The following NTRK1 variants were observed in gnomAD, a reference collection of about 807,000 sequenced individuals.
The protein encoded by NTRK1 is neurotrophic receptor tyrosine kinase 1, also known as high affinity nerve growth factor receptor.
NTRK1 carries 62 observed loss-of-function variants against 86.8 expected under a neutral mutation model. That is an observed-to-expected ratio of 0.71 (90% CI 0.58 to 0.88). The LOEUF (loss-of-function observed/expected upper bound fraction) is 0.88, where lower values mean the gene tolerates loss of function less well. Ranked by LOEUF, NTRK1 falls within the 40% of genes least tolerant of loss-of-function variation. The pLI, the probability that NTRK1 is intolerant of heterozygous loss-of-function variation, is 0.00. For synonymous variants in NTRK1, 469 were observed against 456.6 expected (o/e 1.03, Z -0.35); for missense variants, 967 against 1,078.4 (o/e 0.90, Z 1.45).
chr1:156,858,510 G>A (rs773834099), upstream of NTRK1: 4 of 1,590,030 alleles, frequency 2.5e-6, no homozygotes, highest in East Asian at 8.9e-5. Flanking sequence ...GGAGGTAGGG[G>A]TCTGGGAGCC....
intron 16 of NTRK1, 129 bp from the exon 17 acceptor site, chr1:156,881,328 T>C: frequency 2.4e-6 from 2 of 817,360 alleles, no homozygotes; most frequent in Non-Finnish European, 3.8e-6. Context: ...ATTCGGGTTA[T>C]TAGCAGCTAA....
At chr1:156,818,060 T>C (rs1264542317) in intron 1 of NTRK1, among the ~76,000 whole-genome samples, 1 of 152,158 alleles carries the variant, frequency 6.6e-6, no homozygotes, top group Non-Finnish European at 1.5e-5. Flanking sequence ...ATTATCCCCA[T>C]TTACCAGAAG....
In NTRK1 at chr1:156,879,192, C is replaced by CA. The variant is rs774533432; in HGVS notation, c.1877dup (p.Leu627AlafsTer6). On this transcript the variant is annotated frameshift_variant, in exon 15 of 17. Coordinates refer to ENST00000524377, the MANE Select transcript of NTRK1 (RefSeq NM_002529.4). LOFTEE classifies it high-confidence loss of function. ...GGCTCCAGGCCCCCTGGGTCTGGGGCAGCTGCTGGCCGTGGCTAGCCAGGT... is the reference window on the plus strand; with the variant it reads ...GGCTCCAGGCCCCCTGGGTCTGGGGCAAGCTGCTGGCCGTGGCTAGCCAGGT... 1 of 1,613,184 alleles carries CA rather than the reference C, an allele frequency of 6.2e-7. No homozygotes were observed. The highest frequency in any genetic ancestry group is 8.5e-7 in the Non-Finnish European group (1 of 1,179,250).
At chr1:156,870,546 G>A (rs1297436239) in intron 6 of NTRK1, among the ~76,000 whole-genome samples, 2 of 152,208 alleles carry the variant, frequency 1.3e-5, no homozygotes, top group Admixed American at 1.3e-4. Flanking sequence ...GCAGGGCAGG[G>A]CTTCCCCTCG....
At chr1:156,849,476 GGACCT>G in intron 2 of NTRK1, 1 of 1,571,872 alleles carries the variant, frequency 6.4e-7, no homozygotes, top group Non-Finnish European at 8.7e-7. Context: ...GGAGGCCAGG[GGACCT>G]TGCTCTGCGG....
At chr1:156,845,593 T>A in intron 2 of NTRK1, 1 of 1,054,830 alleles carries the variant, frequency 9.5e-7, no homozygotes, top group African/African-American at 2.8e-5. Flanking sequence ...CATCAGACCC[T>A]CCCAGGCCGC....
At chr1:156,871,869 C>A in intron 7 of NTRK1, 114 bp downstream of exon 7, 1 of 1,400,954 alleles carries the variant, frequency 7.1e-7, no homozygotes, top group Non-Finnish European at 9.9e-7. Flanking sequence ...TCCACAGCTG[C>A]TCCCTCCCAG....
chr1:156,850,539 T>G (rs1188031806), intron 2 of NTRK1, among the ~76,000 whole-genome samples: 1 of 89,762 alleles, frequency 1.1e-5, no homozygotes, highest in Non-Finnish European at 2.0e-5. Flanking sequence ...ACATTCTTTT[T>G]TTTTTTTTTT....
At chr1:156,825,849 C>T (rs557805390) in intron 1 of NTRK1, among the ~76,000 whole-genome samples, 9 of 152,258 alleles carry the variant, frequency 5.9e-5, no homozygotes, top group African/African-American at 9.6e-5. Context: ...AGTGCTTTAC[C>T]GGTCTGAACT....
chr1:156,855,679 G>T (rs1425929824), intron 2 of NTRK1, among the ~76,000 whole-genome samples: 1 of 152,006 alleles, frequency 6.6e-6, no homozygotes, highest in Non-Finnish European at 1.5e-5. Context: ...ACAAAAATTA[G>T]CCAGGCATGG....
chr1:156,874,348 C>T (rs1211201446), intron 8 of NTRK1, 35 bp from the exon 9 acceptor site: 10 of 1,613,924 alleles, frequency 6.2e-6, no homozygotes, highest in South Asian at 1.1e-5. Context: ...TTCTCTCCTC[C>T]CTCTGACTGC....
intron 5 of NTRK1, 87 bp from the exon 6 acceptor site, chr1:156,868,418 G>A (rs1335832444): frequency 5.2e-6 from 8 of 1,543,292 alleles, no homozygotes; most frequent in Non-Finnish European, 6.1e-6. Context: ...ATTGAGGAGG[G>A]TGGGGGAAGG....
intron 1 of NTRK1, among the ~76,000 whole-genome samples, chr1:156,863,660 TTG>T (rs35148211): frequency 4.5e-4 from 67 of 149,104 alleles, no homozygotes; most frequent in East Asian, 3.0e-3. Flanking sequence ...GCAGAGATGT[TTG>T]TGTGTGTGTG....
chr1:156,844,139 G>A, intron 2 of NTRK1: 2 of 1,489,002 alleles, frequency 1.3e-6, no homozygotes, highest in Non-Finnish European at 1.9e-6. Flanking sequence ...GGCTCAGGGA[G>A]AAAAGGGGGT....
intron 2 of NTRK1, chr1:156,852,238 C>T: frequency 6.6e-7 from 1 of 1,520,954 alleles, no homozygotes; most frequent in Non-Finnish European, 8.9e-7. Flanking sequence ...CCCCTCAGTC[C>T]TGGCTGTCCT....
At chr1:156,870,377 A>G (rs2102898101) in intron 6 of NTRK1, among the ~76,000 whole-genome samples, 1 of 152,278 alleles carries the variant, frequency 6.6e-6, no homozygotes, top group South Asian at 2.1e-4. Flanking sequence ...GCAAGACCCT[A>G]TCTCTTAAAA....
intron 1 of NTRK1, among the ~76,000 whole-genome samples, chr1:156,817,047 T>TTCTCTCTCTC (rs3840456): frequency 0.015 from 1,752 of 113,842 alleles, 83 homozygotes; most frequent in African/African-American, 0.023. Flanking sequence ...GAACTTCCCT[T>TTCTCTCTCTC]TCTCTCTCTC....
At chr1:156,878,830 A>G (rs546706659) in intron 14 of NTRK1, among the ~76,000 whole-genome samples, 6 of 152,104 alleles carry the variant, frequency 3.9e-5, no homozygotes, top group Non-Finnish European at 7.4e-5. Flanking sequence ...TGACATGCCT[A>G]TGGCAAGGGA....
At chr1:156,863,978 G>T (rs1655804779) in intron 1 of NTRK1, among the ~76,000 whole-genome samples, 1 of 152,142 alleles carries the variant, frequency 6.6e-6, no homozygotes, top group Non-Finnish European at 1.5e-5. Context: ...GCGTGTTCCT[G>T]CAGGCACATG....
Sources: allele counts gnomAD v4.1 joint callset (sites outside exome capture counted in the v4.1 genomes callset), GRCh38; gene constraint gnomAD v4.1.1; transcripts MANE v1.5; gene names NCBI Gene and HGNC (gene_info 2026-07-23, HGNC 2026-07-21).